PLB1: variants seen among roughly 807,000 people sequenced by gnomAD.
The protein encoded by PLB1 is phospholipase B1.
Under a neutral mutation model 227.4 loss-of-function variants are expected in PLB1, and 242 were observed. The ratio of observed to expected loss-of-function variants is 1.06; its 90% CI spans 0.96 to 1.18. The LOEUF is 1.18. PLB1 is among the 50% of genes most tolerant of loss of function. PLB1 has a pLI of 0.00. For missense variants in PLB1, 1,858 were observed against 1,816.3 expected (o/e 1.02, Z -0.42); for synonymous variants, 757 against 682.2 (o/e 1.11, Z -1.71).
intron 21 of PLB1, among the ~76,000 whole-genome samples, chr2:28,575,744 C>CA (rs1678812888): frequency 6.6e-6 from 1 of 152,042 alleles, no homozygotes; most frequent in Non-Finnish European, 1.5e-5. Context: ...GTAGAGACAG[C>CA]GTTTCACCGT....
At position 28,604,903 on chromosome 2, in the gene PLB1, C is replaced by T. The variant is rs574644602; in HGVS notation, c.2961+144C>T. 1.0e-4 allele frequency: 73 copies of T among 716,716 alleles called. 1 individual carries two copies. In the African/African-American group the frequency reaches 1.1e-3, roughly 11 times the overall value. 44.4% of individuals were successfully genotyped at this position (716,716 alleles called of 1,614,324 possible). ...TGCTGGCAGGTGCAGGCTCCCTGAA[C>T]GCCTGAGCCACATCCGTATGTGCGA... is the stretch of plus-strand genomic sequence containing the variant. On this transcript the variant is annotated intron_variant, in intron 41 of 57. Coordinates refer to ENST00000327757, the MANE Select transcript of PLB1 (RefSeq NM_153021.5).
At chr2:28,518,573 TTC>T in intron 3 of PLB1, 41 bp downstream of exon 3, 2 of 1,523,032 alleles carry the variant, frequency 1.3e-6, no homozygotes, top group African/African-American at 1.4e-5. Flanking sequence ...GCCTGGCGTT[TTC>T]TCTCTGAAGT....
At chr2:28,511,013 G>A (rs187963060) in intron 1 of PLB1, among the ~76,000 whole-genome samples, 15 of 152,124 alleles carry the variant, frequency 9.9e-5, no homozygotes, top group African/African-American at 3.6e-4. Flanking sequence ...CTAGCTTGTG[G>A]ATTATACAAT....
chr2:28,580,675 C>T lies in PLB1; in HGVS notation c.1566+968C>T, dbSNP rs563607501. Among the ~76,000 whole-genome samples the T allele has an allele frequency of 2.6e-5, 4 of 151,542 alleles. No homozygotes were observed. The East Asian group carries it at 7.8e-4, about 29-fold the overall frequency. ...GTTGCAGTGAGCTGAGATCATGCCA[C>T]TGCACTCCAGCCTGGGTGACAAAGC... On this transcript the variant is annotated intron_variant, in intron 23 of 57. Coordinates refer to ENST00000327757, the MANE Select transcript of PLB1 (RefSeq NM_153021.5).
At chr2:28,548,133 T>G (rs1200471513) in intron 14 of PLB1, among the ~76,000 whole-genome samples, 1 of 151,804 alleles carries the variant, frequency 6.6e-6, no homozygotes. Flanking sequence ...TGTGACCCCG[T>G]GAAAGACATG....
At chr2:28,537,303 C>T (rs997088096) in intron 9 of PLB1, among the ~76,000 whole-genome samples, 53 of 152,306 alleles carry the variant, frequency 3.5e-4, no homozygotes, top group African/African-American at 1.2e-3. Context: ...GTCTTCCTGT[C>T]TGAGCCAAGT....
intron 57 of PLB1, among the ~76,000 whole-genome samples, chr2:28,641,645 G>A (rs1399479356): frequency 6.6e-6 from 1 of 152,166 alleles, no homozygotes; most frequent in Non-Finnish European, 1.5e-5. Context: ...GTGCCAGGCA[G>A]TATACTAGGA....
At chr2:28,567,731 C>T (rs1470648114) in intron 20 of PLB1, among the ~76,000 whole-genome samples, 3 of 152,122 alleles carry the variant, frequency 2.0e-5, no homozygotes, top group Non-Finnish European at 4.4e-5. Flanking sequence ...CTTGGCCTCC[C>T]AAAGTGCTGG....
intron 14 of PLB1, among the ~76,000 whole-genome samples, chr2:28,547,469 C>T (rs1228805502): frequency 6.6e-6 from 1 of 152,228 alleles, no homozygotes; most frequent in Admixed American, 6.5e-5. Flanking sequence ...GATTCTCTTT[C>T]AGTCTGGCTG....
chr2:28,593,898 CAA>C lies in PLB1; in HGVS notation c.2321+147_2321+148del. 14 of 755,350 alleles carry C rather than the reference CAA, an allele frequency of 1.9e-5. No individual in the cohort carries two copies. The South Asian group carries it at 2.1e-4, about 11-fold the overall frequency. 46.8% of individuals were successfully genotyped at this position (755,350 alleles called of 1,614,324 possible). On this transcript the variant is annotated intron_variant, in intron 33 of 57. Coordinates refer to ENST00000327757, the MANE Select transcript of PLB1 (RefSeq NM_153021.5). ...AGAAAGAAAAAGCTATATATTTCTG[CAA>C]AATGTGAACATTTGGTGAGTGGAGA...
chr2:28,582,967 G>A (rs1271543103), intron 25 of PLB1, among the ~76,000 whole-genome samples: 1 of 152,032 alleles, frequency 6.6e-6, no homozygotes, highest in Non-Finnish European at 1.5e-5. Context: ...CAGATATAGG[G>A]CCACTGTCAC....
chr2:28,581,290 C>T (rs1379958194), intron 23 of PLB1, among the ~76,000 whole-genome samples: 1 of 151,828 alleles, frequency 6.6e-6, no homozygotes, highest in East Asian at 1.9e-4. Flanking sequence ...TGCTTTCATA[C>T]ATGTAGGGTG....
chr2:28,628,598 C>A lies in PLB1; in HGVS notation c.3696C>A (p.Ile1232=). 1 of 1,614,148 alleles carries A rather than the reference C, an allele frequency of 6.2e-7. No individual in the cohort carries two copies. Among genetic ancestry groups the A allele is most frequent in the Non-Finnish European group, 8.5e-7 (1 of 1,180,026 alleles). ...TGGCCACGGAATATGTTCAGCACAT[C>A]CAACAGGCCCTGGACATCCTCTCTG... ...AHLATEYVQH[I]QQALDILSEE... The change falls in exon 52 of 58, where the codon ATC becomes ATA. Residue 1232 remains isoleucine, a synonymous_variant. Transcript: ENST00000327757.
At chr2:28,614,856 T>C (rs893328556) in intron 44 of PLB1, among the ~76,000 whole-genome samples, 3 of 152,176 alleles carry the variant, frequency 2.0e-5, no homozygotes, top group Admixed American at 1.3e-4. Context: ...ATTGAGCACA[T>C]ACTATGTGCC....
intron 17 of PLB1, among the ~76,000 whole-genome samples, chr2:28,554,088 G>T (rs754676891): frequency 7.1e-4 from 108 of 152,182 alleles, no homozygotes; most frequent in Non-Finnish European, 1.3e-3. Context: ...ATGGAATAGG[G>T]GATGTAGATC....
chr2:28,501,283 T>A (rs1268639476), intron 1 of PLB1, among the ~76,000 whole-genome samples: 1 of 152,206 alleles, frequency 6.6e-6, no homozygotes, highest in Non-Finnish European at 1.5e-5. Context: ...CTACAATACA[T>A]ACAACACAGT....
At chr2:28,553,739 A>G (rs1381646567) in intron 17 of PLB1, among the ~76,000 whole-genome samples, 1 of 151,878 alleles carries the variant, frequency 6.6e-6, no homozygotes, top group Non-Finnish European at 1.5e-5. Context: ...TCGTTTATTT[A>G]CTCATTTGTG....
intron 16 of PLB1, among the ~76,000 whole-genome samples, chr2:28,552,083 A>G (rs766086587): frequency 7.3e-4 from 111 of 152,358 alleles, no homozygotes; most frequent in Middle Eastern, 6.8e-3. Context: ...AGACAAGTCA[A>G]CAGGCAATTA....
chr2:28,589,644 A>AGAATCC, intron 27 of PLB1, 31 bp from the exon 28 acceptor site: 1 of 1,610,536 alleles, frequency 6.2e-7, no homozygotes, highest in Non-Finnish European at 8.5e-7. Flanking sequence ...GTGTGTCTAT[A>AGAATCC]ACTGCCTCTC....
Sources: gnomAD v4.1 joint callset for allele counts (sites outside exome capture counted in the v4.1 genomes callset) on GRCh38, gnomAD v4.1.1 for gene constraint, MANE v1.5 for transcripts, NCBI Gene and HGNC (gene_info 2026-07-23, HGNC 2026-07-21) for gene names.